Variants in PRKCQ observed in about 807,000 individuals in gnomAD.
PRKCQ encodes protein kinase C theta.
PRKCQ carries 41 observed loss-of-function variants against 91.2 expected under a neutral mutation model. The ratio of observed to expected loss-of-function variants is 0.45; its 90% confidence interval spans 0.35 to 0.58. PRKCQ has a LOEUF of 0.58. Among genes scored for constraint, PRKCQ ranks in the 20% least tolerant of loss-of-function variants. PRKCQ has a pLI of 0.00. For missense variants in PRKCQ, 673 were observed against 896.5 expected, an observed-to-expected ratio of 0.75 and a Z score of 3.18; for synonymous variants, 307 against 316.9, an observed-to-expected ratio of 0.97 and a Z score of 0.33.
chr10:6,409,897 T>C, the PRKCQ span, among the ~76,000 whole-genome samples: 1 of 152,356 alleles, frequency 6.6e-6, no homozygotes, highest in African/African-American at 2.4e-5. Flanking sequence ...ACAAGTCTTA[T>C]AATGTAGAAA....
intron 15 of PRKCQ, among the ~76,000 whole-genome samples, chr10:6,448,554 A>G (rs942114162): frequency 2.6e-5 from 4 of 151,968 alleles, no homozygotes; most frequent in Non-Finnish European, 5.9e-5. Flanking sequence ...GATTACAGGT[A>G]CGTGCCACCA....
At chr10:6,550,747 T>C (rs191838807) in intron 1 of PRKCQ, among the ~76,000 whole-genome samples, 1 of 152,228 alleles carries the variant, frequency 6.6e-6, no homozygotes, top group Admixed American at 6.5e-5. Flanking sequence ...GTAGAATTGC[T>C]GGATCATGCA....
At chr10:6,548,484 A>C (rs1207124767) in intron 1 of PRKCQ, among the ~76,000 whole-genome samples, 159 of 150,260 alleles carry the variant, frequency 1.1e-3, no homozygotes, top group African/African-American at 3.5e-3. Context: ...GAACCAACCC[A>C]AATGTCCAAC....
the PRKCQ span, among the ~76,000 whole-genome samples, chr10:6,408,055 T>G: frequency 7.0e-6 from 1 of 142,210 alleles, no homozygotes. Flanking sequence ...AGTTTTTTTT[T>G]TTTTTTTTTT....
At chr10:6,555,899 C>T (rs1270309773) in intron 1 of PRKCQ, among the ~76,000 whole-genome samples, 1 of 152,078 alleles carries the variant, frequency 6.6e-6, no homozygotes, top group Non-Finnish European at 1.5e-5. Flanking sequence ...ATCTCAACTA[C>T]TGGGGAAGCT....
intron 15 of PRKCQ, among the ~76,000 whole-genome samples, chr10:6,446,368 T>G (rs1456877871): frequency 6.8e-6 from 1 of 146,538 alleles, no homozygotes; most frequent in African/African-American, 2.5e-5. Context: ...TTTTTTTTTT[T>G]TTTTTTTTTT....
chr10:6,526,923 G>A (rs561700250), intron 1 of PRKCQ, among the ~76,000 whole-genome samples: 7 of 152,162 alleles, frequency 4.6e-5, no homozygotes, highest in East Asian at 3.9e-4. Flanking sequence ...GTTGATGGTC[G>A]GAGGGCACCA....
intron 11 of PRKCQ, 113 bp from the exon 12 acceptor site, chr10:6,479,278 C>A: frequency 8.1e-7 from 1 of 1,241,758 alleles, no homozygotes; most frequent in Non-Finnish European, 1.1e-6. Flanking sequence ...GGTTCCTTCT[C>A]CAACCCCCAT....
chr10:6,535,542 C>G (rs1238313405), intron 1 of PRKCQ, among the ~76,000 whole-genome samples: 2 of 151,976 alleles, frequency 1.3e-5, no homozygotes, highest in Non-Finnish European at 2.9e-5. Context: ...TCACTTATGT[C>G]AAACCCCAAG....
intron 1 of PRKCQ, among the ~76,000 whole-genome samples, chr10:6,562,027 T>C (rs771714349): frequency 1.6e-4 from 24 of 152,184 alleles, no homozygotes; most frequent in Non-Finnish European, 2.5e-4. Context: ...GTTTAAAATT[T>C]ACAACATTGT....
Position 6,428,256 on chromosome 10 carries a change from A to G in PRKCQ, c.2072T>C (p.Phe691Ser). 6.2e-7 allele frequency: 1 copy of G among 1,614,220 alleles called. No homozygotes were observed. The highest frequency in any genetic ancestry group is 8.5e-7 in the Non-Finnish European group (1 of 1,180,038). The change falls in exon 18 of 18, where the codon TTC (phenylalanine) becomes TCC (serine). Residue 691 changes from phenylalanine (F) to serine (S), a missense_variant. Physicochemically the swap from Phe to Ser is radical, Grantham distance 155 (BLOSUM62 -2). Coordinates refer to ENST00000263125, the MANE Select transcript of PRKCQ (RefSeq NM_006257.5). ...ALINSMDQNM[F>S]RNFSFMNPGM... ...GGGGTTCATGAAGGAAAAGTTCCTG[A>G]ACATATTCTGGTCCATGCTGTTGAT...
chr10:6,431,200 C>T (rs923359587), intron 16 of PRKCQ, among the ~76,000 whole-genome samples: 2 of 152,180 alleles, frequency 1.3e-5, no homozygotes, highest in Non-Finnish European at 2.9e-5. Flanking sequence ...ATTAATTGGA[C>T]CTTAGGCAAC....
chr10:6,554,607 G>A (rs1032333303), intron 1 of PRKCQ, among the ~76,000 whole-genome samples: 2 of 152,088 alleles, frequency 1.3e-5, no homozygotes, highest in Non-Finnish European at 1.5e-5. Flanking sequence ...ACTCTTGTGG[G>A]GGCTTTACAG....
the PRKCQ span, among the ~76,000 whole-genome samples, chr10:6,402,677 C>T: frequency 3.9e-5 from 6 of 152,158 alleles, no homozygotes; most frequent in South Asian, 4.1e-4. Flanking sequence ...GGCTCATGCC[C>T]GTAAATCCCA....
At chr10:6,403,473 T>TG in the PRKCQ span, among the ~76,000 whole-genome samples, 1 of 152,214 alleles carries the variant, frequency 6.6e-6, no homozygotes, top group African/African-American at 2.4e-5. Flanking sequence ...CTGCTATCTC[T>TG]GGGGCATATC....
chr10:6,573,248 C>T (rs1025768549), intron 1 of PRKCQ, among the ~76,000 whole-genome samples: 2 of 152,144 alleles, frequency 1.3e-5, no homozygotes, highest in African/African-American at 4.8e-5. Context: ...ATAGCTAAAA[C>T]ATATCAGTGA....
At chr10:6,519,876 G>A (rs1402470105) in intron 1 of PRKCQ, among the ~76,000 whole-genome samples, 1 of 152,120 alleles carries the variant, frequency 6.6e-6, no homozygotes, top group African/African-American at 2.4e-5. Context: ...TGGAACCTGG[G>A]AGGCATAAAA....
chr10:6,430,918 C>T lies in PRKCQ; in HGVS notation c.1857G>A (p.Glu619=), dbSNP rs1273510395. ...TGTCTCCCCTCACGCCCAGCCTCTTCTCAGGTTCTCGCACGAAGAGCTGAA... is the reference window on the plus strand; with the variant it reads ...TGTCTCCCCTCACGCCCAGCCTCTTTTCAGGTTCTCGCACGAAGAGCTGAA... ...LLVKLFVREP[E]KRLGVRGDIR... The change falls in exon 17 of 18, where the codon GAG becomes GAA. Residue 619 remains glutamate, a synonymous_variant. Transcript: ENST00000263125. This position sits in a 1 kb window ranked among gnomAD's most constrained non-coding sequence, Gnocchi z 4.7. The T allele has an allele frequency of 1.2e-6, 2 of 1,613,996 alleles. No individual in the cohort carries two copies. Among genetic ancestry groups the T allele is most frequent in the South Asian group, 1.1e-5 (1 of 91,080 alleles).
chr10:6,410,147 C>T, the PRKCQ span, among the ~76,000 whole-genome samples: 1 of 152,178 alleles, frequency 6.6e-6, no homozygotes, highest in African/African-American at 2.4e-5. Context: ...GACAAGAAAT[C>T]CTAGGCTTCC....
Sources: allele counts gnomAD v4.1 joint callset (sites outside exome capture counted in the v4.1 genomes callset), GRCh38; gene constraint gnomAD v4.1.1; non-coding constraint Gnocchi (gnomAD v3.1); transcripts MANE v1.5; gene names NCBI Gene and HGNC (gene_info 2026-07-23, HGNC 2026-07-21).